Variants in GPC6 observed in about 807,000 individuals in gnomAD.
The protein encoded by GPC6 is glypican 6, also known as glypican-6.
A neutral mutation model predicts 55.2 loss-of-function variants in GPC6; 14 were observed. The ratio of observed to expected loss-of-function variants is 0.25; its 90% CI spans 0.17 to 0.40. The LOEUF is 0.40. Among genes scored for constraint, GPC6 ranks in the 10% least tolerant of loss-of-function variants. The pLI, the probability that GPC6 is intolerant of heterozygous loss-of-function variation, is 1.00. For synonymous variants in GPC6, 278 were observed against 259.6 expected (o/e 1.07, Z -0.68); for missense variants, 641 against 708.5 (o/e 0.90, Z 1.08).
At chr13:93,654,557 A>G in intron 2 of GPC6, among the ~76,000 whole-genome samples, 1 of 152,036 alleles carries the variant, frequency 6.6e-6, no homozygotes, top group Non-Finnish European at 1.5e-5. Context: ...TGAACTCCTG[A>G]CCTCAGGTGA....
intron 6 of GPC6, 151 bp from the exon 7 acceptor site, chr13:94,382,263 C>A: frequency 1.3e-6 from 1 of 771,434 alleles, no homozygotes; most frequent in South Asian, 1.7e-5. Flanking sequence ...GGCAATAAAC[C>A]CTGCAGTGCA....
At chr13:94,105,391 G>A (rs1377146162) in intron 4 of GPC6, among the ~76,000 whole-genome samples, 2 of 151,892 alleles carry the variant, frequency 1.3e-5, no homozygotes, top group Admixed American at 6.6e-5. Context: ...TAGAATTGAT[G>A]TTCATTCATA....
intron 1 of GPC6, among the ~76,000 whole-genome samples, chr13:93,423,685 C>G (rs1877013542): frequency 6.6e-6 from 1 of 152,110 alleles, no homozygotes; most frequent in Admixed American, 6.5e-5. Context: ...TCCACCTTCT[C>G]CACCACTCCG....
intron 3 of GPC6, among the ~76,000 whole-genome samples, chr13:93,872,372 T>G (rs1252004312): frequency 6.6e-6 from 1 of 152,008 alleles, no homozygotes; most frequent in African/African-American, 2.4e-5. Flanking sequence ...ACCTGTATTC[T>G]CATAAAGCAA....
chr13:94,316,140 A>G (rs1054471781), intron 6 of GPC6, among the ~76,000 whole-genome samples: 1 of 152,058 alleles, frequency 6.6e-6, no homozygotes, highest in African/African-American at 2.4e-5. Context: ...AAATGAACCA[A>G]CTCTTCTATG....
At chr13:93,393,123 TATATAGAG>T (rs778917461) in intron 1 of GPC6, among the ~76,000 whole-genome samples, 9,327 of 94,238 alleles carry the variant, frequency 0.099, 264 homozygotes, top group Middle Eastern at 0.15. Flanking sequence ...TATATATATA[TATATAGAG>T]AGAGAGAGAG....
chr13:93,435,329 T>C (rs1877529681), intron 1 of GPC6, among the ~76,000 whole-genome samples: 1 of 152,012 alleles, frequency 6.6e-6, no homozygotes, highest in Admixed American at 6.6e-5. Context: ...TTGCCCAGGC[T>C]GGTCTCAAAC....
rs11310441 is a variant in GPC6, at chr13:94,084,586, T to TAA, written c.877+56701_877+56702dup. On this transcript the variant is annotated intron_variant, in intron 4 of 8. Coordinates refer to ENST00000377047, the MANE Select transcript of GPC6 (RefSeq NM_005708.5). ...ATATTAGGGTAAGCACTATTTGTGA[T>TAA]AAAAAAAAAACTTAATACACAATAC... is the stretch of plus-strand genomic sequence containing the variant. Among the ~76,000 whole-genome samples, 379 of 151,430 alleles carry TAA rather than the reference T, an allele frequency of 2.5e-3. 1 individual carries two copies. The highest frequency in any genetic ancestry group is 8.9e-3 in the African/African-American group (367 of 41,252).
chr13:94,346,196 C>T (rs1878280614), intron 6 of GPC6, among the ~76,000 whole-genome samples: 1 of 152,180 alleles, frequency 6.6e-6, no homozygotes, highest in South Asian at 2.1e-4. Flanking sequence ...TATTTCTCAC[C>T]TTCCATACTG....
At chr13:94,176,113 G>A (rs777606542) in intron 4 of GPC6, among the ~76,000 whole-genome samples, 3 of 151,740 alleles carry the variant, frequency 2.0e-5, no homozygotes, top group Non-Finnish European at 4.4e-5. Flanking sequence ...TATATTGCAC[G>A]TATCTCCTCC....
chr13:94,070,114 C>T (rs1300776585), intron 4 of GPC6, among the ~76,000 whole-genome samples: 1 of 152,174 alleles, frequency 6.6e-6, no homozygotes, highest in Non-Finnish European at 1.5e-5. Context: ...GCTGCAGAGG[C>T]CTCACAATCA....
At chr13:93,244,929 A>C (rs75538963) in intron 1 of GPC6, among the ~76,000 whole-genome samples, 271 of 106,988 alleles carry the variant, frequency 2.5e-3, no homozygotes, top group Middle Eastern at 0.012. Context: ...TGCCATCTTC[A>C]AAAAAAAAAC....
chr13:93,604,911 A>AT (rs1878176005), intron 2 of GPC6, among the ~76,000 whole-genome samples: 1 of 152,186 alleles, frequency 6.6e-6, no homozygotes, highest in Non-Finnish European at 1.5e-5. Flanking sequence ...CTGCTGCTAT[A>AT]TTTCAACTCA....
At chr13:93,376,907 T>A (rs1207795527) in intron 1 of GPC6, among the ~76,000 whole-genome samples, 2 of 152,190 alleles carry the variant, frequency 1.3e-5, no homozygotes, top group Admixed American at 6.5e-5. Context: ...TGAATGCTTA[T>A]ATTAGGAATT....
chr13:94,055,934 C>T (rs1410239320), intron 4 of GPC6, among the ~76,000 whole-genome samples: 1 of 152,182 alleles, frequency 6.6e-6, no homozygotes, highest in Non-Finnish European at 1.5e-5. Flanking sequence ...AGTGGGGAGG[C>T]TGATCTTGAA....
At chr13:94,120,667 T>G (rs1886600016) in intron 4 of GPC6, among the ~76,000 whole-genome samples, 2 of 152,082 alleles carry the variant, frequency 1.3e-5, no homozygotes, top group South Asian at 4.1e-4. Context: ...CCCCCACAAT[T>G]GAATACAACT....
intron 2 of GPC6, among the ~76,000 whole-genome samples, chr13:93,664,483 C>A (rs546667962): frequency 6.6e-6 from 1 of 152,260 alleles, no homozygotes; most frequent in African/African-American, 2.4e-5. Flanking sequence ...AGATGGATGG[C>A]TTTTTAGAAA....
At chr13:93,876,010 A>T (rs1889281578) in intron 3 of GPC6, among the ~76,000 whole-genome samples, 3 of 152,100 alleles carry the variant, frequency 2.0e-5, no homozygotes, top group African/African-American at 7.2e-5. Flanking sequence ...AAAGCTGACC[A>T]GTAGTTGGAC....
chr13:93,561,859 AC>A (rs1875833600), intron 2 of GPC6, among the ~76,000 whole-genome samples: 1 of 152,160 alleles, frequency 6.6e-6, no homozygotes, highest in Admixed American at 6.5e-5. Context: ...TTGTGAAGAT[AC>A]CTTTGAGCCA....
Sources: allele counts gnomAD v4.1 joint callset (sites outside exome capture counted in the v4.1 genomes callset), GRCh38; gene constraint gnomAD v4.1.1; transcripts MANE v1.5; gene names NCBI Gene and HGNC (gene_info 2026-07-23, HGNC 2026-07-21).